SETDB1: variants seen among roughly 807,000 people sequenced by gnomAD.
The protein encoded by SETDB1 is histone-lysine N-methyltransferase SETDB1.
In SETDB1, 31 loss-of-function variants were observed where a neutral mutation model predicts 137.4. That is an observed-to-expected ratio of 0.23 (90% CI 0.17 to 0.30). The LOEUF is 0.30. Ranked by LOEUF, SETDB1 falls within the 10% of genes least tolerant of loss-of-function variation. SETDB1 has a pLI of 1.00. For synonymous variants in SETDB1, 548 were observed against 579.9 expected (o/e 0.95, Z 0.79); for missense variants, 1,113 against 1,631.5 (o/e 0.68, Z 5.47).
chr1:150,936,618 C>T (rs1380145401), intron 3 of SETDB1, among the ~76,000 whole-genome samples: 1 of 152,122 alleles, frequency 6.6e-6, no homozygotes, highest in African/African-American at 2.4e-5. Flanking sequence ...TGCACATGTG[C>T]AGGAGTCTTT....
intron 9 of SETDB1, 125 bp downstream of exon 9, chr1:150,945,233 A>G: frequency 6.7e-7 from 1 of 1,492,694 alleles, no homozygotes; most frequent in Non-Finnish European, 9.0e-7. Flanking sequence ...ATGTGTTCTC[A>G]CTGTTTTTGG....
At chr1:150,939,843 C>G in intron 3 of SETDB1, 97 bp from the exon 4 acceptor site, 1 of 774,572 alleles carries the variant, frequency 1.3e-6, no homozygotes, top group Non-Finnish European at 2.2e-6. Flanking sequence ...GTTGATAATG[C>G]TCCCATAATA....
intron 13 of SETDB1, 130 bp from the exon 14 acceptor site, chr1:150,951,235 A>C (rs1255523252): frequency 2.7e-6 from 3 of 1,126,598 alleles, no homozygotes; most frequent in African/African-American, 1.5e-5. Context: ...TAAGGCCTCC[A>C]TGAAAGCTAT....
intron 3 of SETDB1, among the ~76,000 whole-genome samples, chr1:150,931,726 C>CAAAAAAAA (rs10691133): frequency 6.9e-5 from 5 of 72,350 alleles, no homozygotes; most frequent in Non-Finnish European, 1.1e-4. Flanking sequence ...CTGTCTCACC[C>CAAAAAAAA]AAAAAAAAAA....
At position 150,927,733 on chromosome 1, in the gene SETDB1, T is replaced by A. The variant is rs772821271; in HGVS notation, c.19T>A (p.Cys7Ser). The change falls in exon 2 of 22, where the codon TGC becomes AGC. Residue 7 changes from cysteine (C) to serine (S), a missense_variant. By Grantham distance (112) the Cys-to-Ser change is moderately radical. This residue lies in a region of SETDB1 where 32 missense variants were observed against 26.3 expected (regional missense o/e 1.22). Coordinates refer to ENST00000692827, the MANE Select transcript of SETDB1 (RefSeq NM_001366418.1). ...CAAAAGCATGTCTTCCCTTCCTGGGTGCATTGGTTTGGATGCAGCAACAGC... is the reference window on the plus strand; with the variant it reads ...CAAAAGCATGTCTTCCCTTCCTGGGAGCATTGGTTTGGATGCAGCAACAGC... MSSLPGCIGLDAATATV... is the reference protein window; with the variant it reads MSSLPGSIGLDAATATV... 3 of 1,613,974 alleles carry A rather than the reference T, an allele frequency of 1.9e-6. No homozygotes were observed. In the African/African-American group the frequency reaches 4.0e-5, roughly 22 times the overall value.
chr1:150,961,332 T>G, intron 16 of SETDB1, 141 bp downstream of exon 16: 7 of 857,732 alleles, frequency 8.2e-6, no homozygotes, highest in Non-Finnish European at 1.3e-5. Context: ...TCCCCCTAAC[T>G]AGCACATTCC....
intron 10 of SETDB1, among the ~76,000 whole-genome samples, chr1:150,948,646 A>G (rs890148352): frequency 6.6e-6 from 1 of 152,184 alleles, no homozygotes; most frequent in Admixed American, 6.5e-5. Flanking sequence ...ATCTAAGTCA[A>G]AAAACAATGT....
intron 14 of SETDB1, 57 bp from the exon 15 acceptor site, chr1:150,959,121 A>AT (rs1420984698): frequency 3.2e-6 from 4 of 1,266,486 alleles, no homozygotes; most frequent in East Asian, 5.4e-5. Context: ...AGTTTTATGG[A>AT]TTTTTTTGTG....
At chr1:150,926,688 G>A (rs1196925827) in intron 1 of SETDB1, 171 bp downstream of exon 1, 14 of 525,714 alleles carry the variant, frequency 2.7e-5, no homozygotes, top group Non-Finnish European at 5.5e-5. Context: ...TGGGTAGCAC[G>A]GGGGTGGGCT....
At chr1:150,960,505 A>C (rs1004494746) in intron 15 of SETDB1, 58 bp from the exon 16 acceptor site, 9 of 1,475,364 alleles carry the variant, frequency 6.1e-6, no homozygotes, top group Non-Finnish European at 7.3e-6. Flanking sequence ...AGCAAACAAA[A>C]AAAAAAACTA....
At chr1:150,958,441 G>A (rs587628342) in intron 14 of SETDB1, among the ~76,000 whole-genome samples, 17 of 151,504 alleles carry the variant, frequency 1.1e-4, no homozygotes, top group Admixed American at 8.6e-4. Flanking sequence ...TATTAGAGAC[G>A]GGGTTTTACT....
intron 5 of SETDB1, among the ~76,000 whole-genome samples, chr1:150,942,318 G>A (rs587604937): frequency 2.7e-5 from 4 of 150,486 alleles, no homozygotes; most frequent in African/African-American, 7.3e-5. Context: ...GCCACCTTGC[G>A]TGCCTGTAGT....
chr1:150,931,776 A>G (rs1298434318), intron 3 of SETDB1, among the ~76,000 whole-genome samples: 1 of 139,852 alleles, frequency 7.2e-6, no homozygotes, highest in African/African-American at 2.6e-5. Flanking sequence ...CCTGATGTTG[A>G]TATGAAAGCA....
At chr1:150,931,675 A>C in intron 3 of SETDB1, among the ~76,000 whole-genome samples, 1 of 125,568 alleles carries the variant, frequency 8.0e-6, no homozygotes. Context: ...AAAAAAAGAA[A>C]CCACACTACT....
chr1:150,932,159 G>A lies in SETDB1; in HGVS notation c.412+2041G>A, dbSNP rs587648915. On this transcript the variant is annotated intron_variant, in intron 3 of 21. Coordinates refer to ENST00000692827, the MANE Select transcript of SETDB1 (RefSeq NM_001366418.1). ...CCAGCACCTTGGGAGGCCGAGTTGGGCAGATTGCTTGAGCCCAGGAGTTCA... is the reference window on the plus strand; with the variant it reads ...CCAGCACCTTGGGAGGCCGAGTTGGACAGATTGCTTGAGCCCAGGAGTTCA... Among the ~76,000 whole-genome samples, 3 of 151,824 alleles carry A rather than the reference G, an allele frequency of 2.0e-5. No homozygotes were observed. In the South Asian group the frequency reaches 6.2e-4, roughly 32 times the overall value.
intron 1 of SETDB1, 127 bp from the exon 2 acceptor site, chr1:150,927,577 A>C: frequency 2.5e-6 from 2 of 795,824 alleles, no homozygotes; most frequent in Non-Finnish European, 4.0e-6. Flanking sequence ...GGGAGGGAGA[A>C]CATGGAATAT....
chr1:150,960,159 G>A (rs1670777635), intron 15 of SETDB1, among the ~76,000 whole-genome samples: 1 of 151,836 alleles, frequency 6.6e-6, no homozygotes, highest in African/African-American at 2.4e-5. Flanking sequence ...GGTATTGATG[G>A]AATAATCCTT....
chr1:150,938,826 C>CT (rs368724725), intron 3 of SETDB1, among the ~76,000 whole-genome samples: 37,405 of 131,678 alleles, frequency 0.28, 5,720 homozygotes, highest in African/African-American at 0.36. Context: ...TTTTATCCTA[C>CT]TTTTTTTTTT....
chr1:150,943,582 A>G (rs937052786), intron 7 of SETDB1, among the ~76,000 whole-genome samples: 1 of 152,196 alleles, frequency 6.6e-6, no homozygotes, highest in African/African-American at 2.4e-5. Flanking sequence ...AGGCTGAGGC[A>G]GGAGAATTCC....
Sources: allele counts gnomAD v4.1 joint callset (sites outside exome capture counted in the v4.1 genomes callset), GRCh38; gene constraint gnomAD v4.1.1; regional missense constraint gnomAD v4.1.1; transcripts MANE v1.5; gene names NCBI Gene and HGNC (gene_info 2026-07-23, HGNC 2026-07-21).